Variants in MPC1 observed in about 807,000 individuals in gnomAD.
MPC1 encodes mitochondrial pyruvate carrier 1.
In MPC1, 6 loss-of-function variants were observed where a neutral mutation model predicts 13.9. The ratio of observed to expected loss-of-function variants is 0.43; its 90% CI spans 0.24 to 0.85. The LOEUF (loss-of-function observed/expected upper bound fraction) is 0.85. Among genes scored for constraint, MPC1 ranks in the 40% least tolerant of loss-of-function variants. The pLI is 0.24. For missense variants in MPC1, 115 were observed against 143.3 expected (o/e 0.80, Z 1.01); for synonymous variants, 47 against 50.5 (o/e 0.93, Z 0.29).
intron 1 of MPC1, chr6:166,381,965 G>A (rs953620915): frequency 2.4e-5 from 7 of 295,626 alleles, no homozygotes; most frequent in African/African-American, 1.4e-4. Flanking sequence ...CTCCAACAGC[G>A]CCGCGCCGCG....
Position 166,369,331 on chromosome 6 carries a change from G to C in MPC1, c.75+887C>G, listed in dbSNP as rs1779287530. On this transcript the variant is annotated intron_variant, in intron 2 of 4. Transcript: ENST00000360961. ...GCAGGAGAATCGCTTGAACACGTGA[G>C]GCAGAGGTTGTAGTGAGCCAAGATA... The C allele has an allele frequency of 3.3e-5, 5 of 152,378 alleles. No homozygotes were observed. In the South Asian group the frequency reaches 1.0e-3, roughly 32 times the overall value. 9.4% of individuals were successfully genotyped at this position (152,378 alleles called of 1,614,324 possible).
intron 2 of MPC1, 55 bp downstream of exon 2, chr6:166,370,163 C>G (rs1262622344): frequency 2.6e-6 from 2 of 780,838 alleles, no homozygotes; most frequent in Non-Finnish European, 4.8e-6. Flanking sequence ...ACCCCTAACT[C>G]TGTTAATGCA....
intron 1 of MPC1, among the ~76,000 whole-genome samples, chr6:166,374,689 T>G (rs1186017663): frequency 6.6e-6 from 1 of 152,254 alleles, no homozygotes; most frequent in Non-Finnish European, 1.5e-5. Flanking sequence ...AGACTGTCTT[T>G]ACTACATTGT....
chr6:166,368,280 G>T (rs1392242180), intron 2 of MPC1, among the ~76,000 whole-genome samples: 1 of 152,210 alleles, frequency 6.6e-6, no homozygotes, highest in Non-Finnish European at 1.5e-5. Context: ...AAGTTGGGTC[G>T]GGTGCAGCGG....
intron 2 of MPC1, 181 bp from the exon 3 acceptor site, chr6:166,367,072 G>A: frequency 1.4e-6 from 2 of 1,462,174 alleles, no homozygotes; most frequent in Non-Finnish European, 1.8e-6. Context: ...TTGTCCAAGT[G>A]TTCCTGTAGG....
Position 166,365,442 on chromosome 6 carries a change from GT to G in MPC1, c.316del (p.Thr106ArgfsTer14). 1 of 1,580,774 alleles carries G rather than the reference GT, an allele frequency of 6.3e-7. No homozygotes were observed. On this transcript the variant is annotated frameshift_variant, in exon 5 of 5. Transcript: ENST00000360961. LOFTEE classifies it high-confidence loss of function. This position sits in a 1 kb window ranked among gnomAD's most constrained non-coding sequence, Gnocchi z 4.2. ...CCTTTTCCATTGTTATGCAGATGCC[GT>G]TTTAGTCATCCTGGAAAGAAACAAA... ...GRLIKHEMTKTASA is the reference protein window; with the variant it reads ...GRLIKHEMTKXASA
chr6:166,372,925 G>A (rs1452116353), intron 1 of MPC1, among the ~76,000 whole-genome samples: 2 of 152,090 alleles, frequency 1.3e-5, no homozygotes, highest in African/African-American at 4.8e-5. Context: ...TTATGATTTT[G>A]AATTCTCATG....
chr6:166,366,754 A>G (rs146613293), intron 3 of MPC1, 41 bp downstream of exon 3: 18 of 1,575,770 alleles, frequency 1.1e-5, no homozygotes, highest in Non-Finnish European at 1.5e-5. Flanking sequence ...GAGCTCTACT[A>G]TGTTGAAAGT....
intron 1 of MPC1, among the ~76,000 whole-genome samples, chr6:166,374,075 C>T (rs1328786277): frequency 6.6e-6 from 1 of 152,108 alleles, no homozygotes; most frequent in Non-Finnish European, 1.5e-5. Flanking sequence ...CAACCTCTGC[C>T]TCCCGGGTTC....
In MPC1 at chr6:166,381,522, G is replaced by GA. The variant is rs964479016; in HGVS notation, c.71+1283dup. Among the ~76,000 whole-genome samples, 31 of 151,064 alleles carry GA rather than the reference G, an allele frequency of 2.1e-4. 1 individual carries two copies. The highest frequency in any genetic ancestry group is 6.3e-4 in the African/African-American group (26 of 41,134). ...CCTCTTGACCACACTATTAACTACC[G>GA]AAAAAAAACCGCAGCTGTACACGTA... On this transcript the variant is annotated intron_variant, in intron 1 of 4. Transcript: ENST00000360961.
intron 2 of MPC1, 188 bp from the exon 3 acceptor site, chr6:166,367,079 T>C (rs1779186975): frequency 1.4e-6 from 2 of 1,452,462 alleles, no homozygotes; most frequent in Non-Finnish European, 9.1e-7. Flanking sequence ...AGTGTTCCTG[T>C]AGGAATCAGC....
chr6:166,371,080 G>A (rs904371192), intron 1 of MPC1, among the ~76,000 whole-genome samples: 1 of 152,182 alleles, frequency 6.6e-6, no homozygotes, highest in African/African-American at 2.4e-5. Flanking sequence ...CCTGTGGCTA[G>A]TGGCTCTCAA....
In MPC1 at chr6:166,366,079, A is replaced by G; in HGVS notation, c.200T>C (p.Met67Thr). ...AGGCTGTACCTTGTAGGCAAATCTC[A>G]TGAATGTCAAAGAATAGCAACAGAG... ...FALCCYSLTF[M>T]RFAYKVQPRN... The change falls in exon 4 of 5, where the codon ATG becomes ACG. Residue 67 changes from methionine to threonine, a missense_variant. Met to Thr is a moderately conservative substitution (Grantham distance 81). This residue lies in a region of MPC1 where 71 missense variants were observed against 88.5 expected (regional missense o/e 0.80). Transcript: ENST00000360961. The G allele has an allele frequency of 6.2e-7, 1 of 1,613,242 alleles. No homozygotes were observed. The highest frequency in any genetic ancestry group is 8.5e-7 in the Non-Finnish European group (1 of 1,179,222).
intron 1 of MPC1, among the ~76,000 whole-genome samples, chr6:166,370,872 C>T (rs1779355314): frequency 1.3e-5 from 2 of 152,040 alleles, no homozygotes; most frequent in African/African-American, 4.8e-5. Context: ...AAAAAGAAAC[C>T]ACAGAAATTA....
intron 1 of MPC1, chr6:166,370,437 A>G (rs956879991): frequency 7.6e-6 from 4 of 526,674 alleles, no homozygotes; most frequent in Non-Finnish European, 1.0e-5. Context: ...TCATGAAATT[A>G]GATCTTAGTT....
At chr6:166,376,071 C>T (rs1371732366) in intron 1 of MPC1, among the ~76,000 whole-genome samples, 2 of 152,092 alleles carry the variant, frequency 1.3e-5, no homozygotes, top group African/African-American at 4.8e-5. Flanking sequence ...GGTGCATACA[C>T]ATTAAAGATT....
rs1385358052 is a variant in MPC1, at chr6:166,368,572, A to AG, written c.75+1645_75+1646insC. Among the ~76,000 whole-genome samples, 5 of 151,546 alleles carry AG rather than the reference A, an allele frequency of 3.3e-5. No individual in the cohort carries two copies. The East Asian group carries it at 9.7e-4, about 30-fold the overall frequency. On this transcript the variant is annotated intron_variant, in intron 2 of 4. Transcript: ENST00000360961. The stretch of plus-strand genomic sequence containing the variant: ...CCGTCTCAGGGAAAAAAAAAAAAAA[A>AG]AAAAGAAAATGACAAGTTGGAGAGA...
intron 1 of MPC1, among the ~76,000 whole-genome samples, chr6:166,377,018 T>A (rs1419571201): frequency 6.6e-6 from 1 of 152,190 alleles, no homozygotes; most frequent in Non-Finnish European, 1.5e-5. Flanking sequence ...TTGTTGTCCT[T>A]GTTCTTTGTT....
intron 1 of MPC1, among the ~76,000 whole-genome samples, chr6:166,372,737 C>A (rs1437228356): frequency 1.3e-5 from 1 of 77,010 alleles, no homozygotes; most frequent in East Asian, 7.1e-4. Flanking sequence ...TGTATTATTA[C>A]CTGTTTCAAA....
Sources: allele counts gnomAD v4.1 joint callset (sites outside exome capture counted in the v4.1 genomes callset), GRCh38; gene constraint gnomAD v4.1.1; regional missense constraint gnomAD v4.1.1; non-coding constraint Gnocchi (gnomAD v3.1); transcripts MANE v1.5; gene names NCBI Gene and HGNC (gene_info 2026-07-23, HGNC 2026-07-21).